DPYD: variants seen among roughly 807,000 people sequenced by gnomAD.
DPYD encodes dihydropyrimidine dehydrogenase [NADP(+)].
Under a neutral mutation model 116.2 loss-of-function variants are expected in DPYD, and 109 were observed. The observed-to-expected ratio is 0.94, with a 90% CI of 0.80 to 1.10. The LOEUF is 1.10. Among genes scored for constraint, DPYD ranks in the 50% least tolerant of loss-of-function variants. The pLI is 0.00. For synonymous variants in DPYD, 440 were observed against 432.0 expected (o/e 1.02, Z -0.23); for missense variants, 1,302 against 1,254.5 (o/e 1.04, Z -0.57).
At chr1:97,895,427 T>C (rs1436655498) in intron 1 of DPYD, among the ~76,000 whole-genome samples, 1 of 151,714 alleles carries the variant, frequency 6.6e-6, no homozygotes, top group Non-Finnish European at 1.5e-5. Context: ...GTTTTACAAA[T>C]TAAGTAAATA....
chr1:97,088,787 A>T (rs1649700828), intron 21 of DPYD, among the ~76,000 whole-genome samples: 1 of 152,170 alleles, frequency 6.6e-6, no homozygotes, highest in Non-Finnish European at 1.5e-5. Context: ...AAATCCCCAT[A>T]AGACTTAAGG....
At chr1:97,201,508 A>C (rs1659197631) in intron 19 of DPYD, among the ~76,000 whole-genome samples, 1 of 152,210 alleles carries the variant, frequency 6.6e-6, no homozygotes, top group Non-Finnish European at 1.5e-5. Context: ...TTGGTACTAC[A>C]TAAACATGGC....
intron 20 of DPYD, among the ~76,000 whole-genome samples, chr1:97,167,658 C>T (rs1415697514): frequency 1.3e-5 from 2 of 152,140 alleles, no homozygotes; most frequent in Non-Finnish European, 2.9e-5. Flanking sequence ...TGCTAACAAA[C>T]ATTCATTTAA....
intron 19 of DPYD, among the ~76,000 whole-genome samples, chr1:97,231,038 C>T (rs1442028004): frequency 2.0e-5 from 3 of 152,150 alleles, no homozygotes; most frequent in African/African-American, 7.2e-5. Context: ...TATGAGGACA[C>T]ATAGTACTCT....
At chr1:97,198,287 A>G (rs541096069) in intron 19 of DPYD, among the ~76,000 whole-genome samples, 54 of 152,302 alleles carry the variant, frequency 3.5e-4, no homozygotes, top group African/African-American at 1.2e-3. Flanking sequence ...GACTGCAAAA[A>G]AAAATTTCTT....
At chr1:97,255,008 A>G (rs1450487792) in intron 18 of DPYD, among the ~76,000 whole-genome samples, 1 of 152,182 alleles carries the variant, frequency 6.6e-6, no homozygotes, top group African/African-American at 2.4e-5. Context: ...ACTGTTCATC[A>G]TCACCACCTA....
At chr1:97,655,180 T>C (rs936504182) in intron 8 of DPYD, among the ~76,000 whole-genome samples, 4 of 152,154 alleles carry the variant, frequency 2.6e-5, no homozygotes, top group East Asian at 1.9e-4. Context: ...ACAAGCATAC[T>C]TGACCCTTGC....
chr1:97,792,479 A>T (rs995766068), intron 3 of DPYD, among the ~76,000 whole-genome samples: 5 of 151,888 alleles, frequency 3.3e-5, no homozygotes, highest in Non-Finnish European at 7.4e-5. Context: ...TGAACTATTG[A>T]CCTCAGGTGA....
intron 8 of DPYD, among the ~76,000 whole-genome samples, chr1:97,610,224 T>C (rs369765721): frequency 6.6e-6 from 1 of 151,882 alleles, no homozygotes; most frequent in East Asian, 1.9e-4. Flanking sequence ...CAGCAAAATA[T>C]TGTCAAGTCA....
At chr1:97,796,116 C>A (rs17117181) in intron 3 of DPYD, among the ~76,000 whole-genome samples, 2 of 151,872 alleles carry the variant, frequency 1.3e-5, no homozygotes, top group East Asian at 1.9e-4. Context: ...CAGATGTATC[C>A]CCATTTATAT....
chr1:97,841,326 G>T (rs904631416), intron 2 of DPYD, among the ~76,000 whole-genome samples: 4 of 151,982 alleles, frequency 2.6e-5, no homozygotes, highest in Non-Finnish European at 5.9e-5. Context: ...ACAGAGACAA[G>T]AGAAGATTGA....
intron 8 of DPYD, among the ~76,000 whole-genome samples, chr1:97,619,041 T>A (rs901531539): frequency 6.6e-6 from 1 of 152,204 alleles, no homozygotes; most frequent in Non-Finnish European, 1.5e-5. Flanking sequence ...GATGTGGATA[T>A]CCACCAGACT....
intron 18 of DPYD, among the ~76,000 whole-genome samples, chr1:97,248,036 A>C (rs933031554): frequency 7.9e-5 from 12 of 152,230 alleles, no homozygotes; most frequent in Admixed American, 5.9e-4. Flanking sequence ...TTGATATTGA[A>C]ACCTGACAAA....
At chr1:97,249,108 T>C (rs1344222412) in intron 18 of DPYD, among the ~76,000 whole-genome samples, 1 of 152,166 alleles carries the variant, frequency 6.6e-6, no homozygotes. Flanking sequence ...ATTCTTAACA[T>C]TATTTAAAAA....
intron 2 of DPYD, among the ~76,000 whole-genome samples, chr1:97,873,342 T>C (rs1182084946): frequency 1.3e-5 from 2 of 151,924 alleles, no homozygotes; most frequent in South Asian, 2.1e-4. Context: ...ATGCAATAAA[T>C]TAATTCTTTA....
At chr1:97,802,898 C>G (rs1188193134) in intron 3 of DPYD, among the ~76,000 whole-genome samples, 1 of 151,826 alleles carries the variant, frequency 6.6e-6, no homozygotes, top group African/African-American at 2.4e-5. Flanking sequence ...TTCACAACAT[C>G]TTTTCCTCAA....
intron 8 of DPYD, among the ~76,000 whole-genome samples, chr1:97,664,146 T>C (rs948671874): frequency 2.0e-5 from 3 of 152,140 alleles, no homozygotes; most frequent in African/African-American, 7.2e-5. Flanking sequence ...GTGAAATCCT[T>C]AGCATTATTA....
Position 97,407,289 on chromosome 1 carries a change from A to T in DPYD, c.1906-24828T>A, listed in dbSNP as rs564952061. Reference sequence around the variant, plus strand: ...ATTTAAGCACATGGGTGTTGTAAAGATTATTAAAACATTTTCTTTAAAGAT... The same window carrying T: ...ATTTAAGCACATGGGTGTTGTAAAGTTTATTAAAACATTTTCTTTAAAGAT... On this transcript the variant is annotated intron_variant, in intron 14 of 22. Coordinates refer to ENST00000370192, the MANE Select transcript of DPYD (RefSeq NM_000110.4). Among the ~76,000 whole-genome samples, 11 of 152,328 alleles carry T rather than the reference A, an allele frequency of 7.2e-5. No homozygotes were observed. The East Asian group carries it at 1.9e-3, about 27-fold the overall frequency.
At position 97,078,904 on chromosome 1, in the gene DPYD, A is replaced by T; in HGVS notation, c.*72T>A. 1 of 1,524,952 alleles carries T rather than the reference A, an allele frequency of 6.6e-7. No individual in the cohort carries two copies. The highest frequency in any genetic ancestry group is 9.1e-7 in the Non-Finnish European group (1 of 1,099,222). The allele number at this position is 1,524,952 out of a possible 1,614,324, so 94.5% of individuals were successfully genotyped here. ...TTTAATTTGGAAAGAGCTGAACACA[A>T]GGATCATGATTTTAAAAGATCAGCA... is the stretch of plus-strand genomic sequence containing the variant. On this transcript the variant is annotated 3_prime_UTR_variant, in exon 23 of 23. Coordinates refer to ENST00000370192, the MANE Select transcript of DPYD (RefSeq NM_000110.4).
Sources: allele counts gnomAD v4.1 joint callset (sites outside exome capture counted in the v4.1 genomes callset), GRCh38; gene constraint gnomAD v4.1.1; transcripts MANE v1.5; gene names NCBI Gene and HGNC (gene_info 2026-07-23, HGNC 2026-07-21).